DOCK1: variants seen among roughly 807,000 people sequenced by gnomAD.
DOCK1 encodes the protein dedicator of cytokinesis protein 1.
Under a neutral mutation model 262.7 loss-of-function variants are expected in DOCK1, and 138 were observed. That is an observed-to-expected ratio of 0.53 (90% CI 0.46 to 0.61). The LOEUF (loss-of-function observed/expected upper bound fraction) is 0.61, where lower values mean the gene tolerates loss of function less well. Ranked by LOEUF, DOCK1 falls within the 20% of genes least tolerant of loss-of-function variation. DOCK1 has a pLI of 0.00. For missense variants in DOCK1, 1,908 were observed against 2,370.7 expected, an observed-to-expected ratio of 0.80 and a Z score of 4.05; for synonymous variants, 866 against 867.4, an observed-to-expected ratio of 1.00 and a Z score of 0.03.
chr10:127,098,138 A>G (rs2048018022), intron 23 of DOCK1, among the ~76,000 whole-genome samples: 1 of 152,226 alleles, frequency 6.6e-6, no homozygotes, highest in African/African-American at 2.4e-5. Context: ...CTGGCCTCTC[A>G]CCCACAATTC....
chr10:127,397,009 T>C (rs2066904523), intron 38 of DOCK1, among the ~76,000 whole-genome samples: 1 of 133,902 alleles, frequency 7.5e-6, no homozygotes, highest in African/African-American at 3.0e-5. Flanking sequence ...CAGCGACTCC[T>C]ATGTGATCTG....
chr10:127,417,553 G>T (rs1340046166), intron 44 of DOCK1, among the ~76,000 whole-genome samples: 1 of 152,100 alleles, frequency 6.6e-6, no homozygotes, highest in African/African-American at 2.4e-5. Context: ...TTTTCCTCCC[G>T]ACCCCAGGGG....
rs369797366 is a variant in DOCK1 at position 126,996,426 on chromosome 10, T to G, written c.474-322T>G. On this transcript the variant is annotated intron_variant, in intron 6 of 51. Coordinates refer to ENST00000623213, the MANE Select transcript of DOCK1 (RefSeq NM_001290223.2). ...AAAGTATGCCTTAAAACTTTTCATA[T>G]TTTACATAATAATTAGTAATACATA... Among the ~76,000 whole-genome samples the G allele has an allele frequency of 7.9e-5, 12 of 151,294 alleles. No homozygotes were observed. The East Asian group carries it at 2.1e-3, about 27-fold the overall frequency.
chr10:127,004,859 G>A (rs576041336), intron 10 of DOCK1, among the ~76,000 whole-genome samples: 2 of 146,444 alleles, frequency 1.4e-5, no homozygotes, highest in Non-Finnish European at 3.0e-5. Flanking sequence ...AACCAAAATC[G>A]CTTGTTTGTC....
chr10:127,081,010 A>T (rs1300150017), intron 23 of DOCK1, among the ~76,000 whole-genome samples: 1 of 152,110 alleles, frequency 6.6e-6, no homozygotes, highest in Non-Finnish European at 1.5e-5. Context: ...TAATTATGTC[A>T]TCTCTATTTG....
intron 29 of DOCK1, among the ~76,000 whole-genome samples, chr10:127,319,769 C>T (rs1381444714): frequency 1.3e-5 from 2 of 152,224 alleles, no homozygotes; most frequent in African/African-American, 2.4e-5. Context: ...CATGTGGCCA[C>T]GTGTCTGCTC....
chr10:126,905,541 G>C lies in DOCK1; in HGVS notation c.24G>C (p.Lys8Asn). 2.0e-6 allele frequency: 1 copy of C among 509,670 alleles called. No homozygotes were observed. The highest frequency in any genetic ancestry group is 3.6e-6 in the Non-Finnish European group (1 of 280,524). The allele number at this position is 509,670 out of a possible 1,614,324, so 31.6% of individuals were successfully genotyped here. A position where few individuals can be genotyped will look rare whatever the true frequency, so the allele number is the denominator to read the frequency against. MTRWVPT[K>N]REEKYGVAFY... ...CCATGACGCGCTGGGTGCCCACCAA[G>C]CGCGAGGAGAAGTACGGCGTGGGTG... The change falls in exon 1 of 52, where the codon AAG becomes AAC. Residue 8 changes from lysine (K) to asparagine (N), a missense_variant. This residue lies in a region of DOCK1 where 227 missense variants were observed against 254.1 expected (regional missense o/e 0.89). Transcript: ENST00000623213.
intron 27 of DOCK1, among the ~76,000 whole-genome samples, chr10:127,199,095 G>T (rs141773513): frequency 6.2e-4 from 95 of 152,122 alleles, no homozygotes; most frequent in African/African-American, 1.9e-3. Context: ...ATTCATTTTA[G>T]GAATCAATTG....
intron 38 of DOCK1, among the ~76,000 whole-genome samples, chr10:127,401,121 C>G (rs183223076): frequency 2.6e-5 from 4 of 152,144 alleles, no homozygotes; most frequent in South Asian, 2.1e-4. Flanking sequence ...ACAGCTCTGA[C>G]CCCCTGTGAT....
chr10:127,049,107 A>G (rs2044537716), intron 21 of DOCK1, among the ~76,000 whole-genome samples: 1 of 152,202 alleles, frequency 6.6e-6, no homozygotes, highest in African/African-American at 2.4e-5. Context: ...TTTATAATTT[A>G]TTTTAAAACA....
chr10:127,365,834 G>A (rs895197837), intron 33 of DOCK1, among the ~76,000 whole-genome samples: 2 of 152,158 alleles, frequency 1.3e-5, no homozygotes, highest in African/African-American at 2.4e-5. Context: ...GGTTTGCTAG[G>A]AAATGGTCCG....
At chr10:127,382,999 G>A (rs1394911122) in intron 37 of DOCK1, among the ~76,000 whole-genome samples, 5 of 152,012 alleles carry the variant, frequency 3.3e-5, no homozygotes, top group Admixed American at 1.3e-4. Flanking sequence ...CTTTTGCCCC[G>A]TTACATTTTG....
At chr10:127,334,096 G>A (rs183984030) in intron 29 of DOCK1, among the ~76,000 whole-genome samples, 32 of 152,054 alleles carry the variant, frequency 2.1e-4, no homozygotes, top group Non-Finnish European at 3.4e-4. Flanking sequence ...GTATGCAGTC[G>A]ATGTTGTGAT....
chr10:127,372,065 G>T (rs1346264252), intron 33 of DOCK1, among the ~76,000 whole-genome samples: 3 of 152,172 alleles, frequency 2.0e-5, no homozygotes, highest in Admixed American at 6.5e-5. Flanking sequence ...TGGGGGAGGA[G>T]ACCATGGAGA....
chr10:126,977,276 T>C (rs770050378), intron 2 of DOCK1, among the ~76,000 whole-genome samples: 4 of 152,144 alleles, frequency 2.6e-5, no homozygotes, highest in Non-Finnish European at 5.9e-5. Context: ...ATCCATGGCA[T>C]GCGGATGGTT....
At chr10:127,451,263 C>T (rs2070947734) in intron 51 of DOCK1, 69 bp from the exon 52 acceptor site, 4 of 1,524,014 alleles carry the variant, frequency 2.6e-6, no homozygotes. Context: ...TCAGACCCCA[C>T]CTGGAGACGG....
intron 29 of DOCK1, among the ~76,000 whole-genome samples, chr10:127,268,202 A>G (rs1311770955): frequency 2.0e-5 from 3 of 152,148 alleles, no homozygotes; most frequent in African/African-American, 7.2e-5. Flanking sequence ...CCAGAGTCTC[A>G]GTGATGCTCA....
chr10:126,935,115 G>C (rs1443218394), intron 1 of DOCK1, among the ~76,000 whole-genome samples: 10 of 152,254 alleles, frequency 6.6e-5, no homozygotes, highest in Admixed American at 6.5e-4. Context: ...CTCAAAAAAA[G>C]AGAGAAATAT....
chr10:127,329,461 G>A (rs1481875428), intron 29 of DOCK1, among the ~76,000 whole-genome samples: 1 of 151,104 alleles, frequency 6.6e-6, no homozygotes, highest in Non-Finnish European at 1.5e-5. Context: ...GATCCCTGGG[G>A]TGAACGGACA....
Sources: allele counts gnomAD v4.1 joint callset (sites outside exome capture counted in the v4.1 genomes callset), GRCh38; gene constraint gnomAD v4.1.1; regional missense constraint gnomAD v4.1.1; transcripts MANE v1.5; gene names NCBI Gene and HGNC (gene_info 2026-07-23, HGNC 2026-07-21).